The following DLGAP2 variants were observed in gnomAD, a reference collection of about 807,000 sequenced individuals.
The protein encoded by DLGAP2 is disks large-associated protein 2.
A neutral mutation model predicts 100.3 loss-of-function variants in DLGAP2; 26 were observed. The observed-to-expected ratio is 0.26, with a 90% CI of 0.19 to 0.36. The LOEUF (loss-of-function observed/expected upper bound fraction) is 0.36. Ranked by LOEUF, DLGAP2 falls within the 10% of genes least tolerant of loss-of-function variation. The pLI, the probability that DLGAP2 is intolerant of heterozygous loss-of-function variation, is 1.00. For missense variants in DLGAP2, 1,858 were observed against 1,453.2 expected, an observed-to-expected ratio of 1.28 and a Z score of -4.53; for synonymous variants, 886 against 630.1, an observed-to-expected ratio of 1.41 and a Z score of -6.08.
Position 1,006,296 on chromosome 8 carries a change from G to A in DLGAP2, c.73+98330G>A, listed in dbSNP as rs925170159. On this transcript the variant is annotated intron_variant, in intron 2 of 14. Transcript: ENST00000637795. ...ATTGTGCCTTTATCACATCGAGGACGCCATGTGTCTGAAGTCTCAGAATAC... is the reference window on the plus strand; with the variant it reads ...ATTGTGCCTTTATCACATCGAGGACACCATGTGTCTGAAGTCTCAGAATAC... Among the ~76,000 whole-genome samples the A allele has an allele frequency of 5.3e-5, 8 of 152,118 alleles. No individual in the cohort carries two copies. The East Asian group carries it at 5.8e-4, about 11-fold the overall frequency.
chr8:1,527,700 A>G (rs765086274), intron 4 of DLGAP2, among the ~76,000 whole-genome samples: 9 of 152,202 alleles, frequency 5.9e-5, no homozygotes, highest in Non-Finnish European at 8.8e-5. Flanking sequence ...GCCTGTGTCT[A>G]TGCAGCATGC....
chr8:1,184,059 G>T (rs530177137), intron 2 of DLGAP2, among the ~76,000 whole-genome samples: 1 of 152,318 alleles, frequency 6.6e-6, no homozygotes, highest in South Asian at 2.1e-4. Context: ...CAGCTGAAAG[G>T]CTTTGGGGAA....
In DLGAP2 at chr8:1,233,154, C is replaced by T. The variant is rs1798572546; in HGVS notation, c.74-25697C>T. On this transcript the variant is annotated intron_variant, in intron 2 of 14. Transcript: ENST00000637795. ...TGCTTTTAATGAGCAAATGACATTCCATTGTTTGGATATACCCCATTGTAT... is the reference window on the plus strand; with the variant it reads ...TGCTTTTAATGAGCAAATGACATTCTATTGTTTGGATATACCCCATTGTAT... Among the ~76,000 whole-genome samples the T allele has an allele frequency of 2.0e-5, 3 of 152,170 alleles. 1 individual carries two copies. In the South Asian group the frequency reaches 6.2e-4, roughly 32 times the overall value.
intron 3 of DLGAP2, among the ~76,000 whole-genome samples, chr8:1,428,920 G>C (rs1377403547): frequency 6.6e-6 from 1 of 152,122 alleles, no homozygotes; most frequent in Non-Finnish European, 1.5e-5. Flanking sequence ...GGCTATCTAG[G>C]GTGAGCCATC....
intron 3 of DLGAP2, among the ~76,000 whole-genome samples, chr8:1,414,661 G>A (rs541847143): frequency 1.9e-4 from 28 of 149,848 alleles, no homozygotes; most frequent in African/African-American, 6.5e-4. Context: ...ACGTCCAGGC[G>A]TCCTCTGCCC....
At chr8:900,983 A>G (rs1199684654) in intron 1 of DLGAP2, among the ~76,000 whole-genome samples, 4 of 152,202 alleles carry the variant, frequency 2.6e-5, no homozygotes, top group Non-Finnish European at 5.9e-5. Context: ...ACTATATTAC[A>G]TAGTTTTAAA....
chr8:1,571,684 A>G (rs1190278011), intron 6 of DLGAP2, among the ~76,000 whole-genome samples: 118 of 71,548 alleles, frequency 1.6e-3, no homozygotes, highest in South Asian at 2.3e-3. Flanking sequence ...CTGTGGGGGC[A>G]TCTTCTGGGA....
At chr8:852,163 T>C (rs535095053) in intron 1 of DLGAP2, among the ~76,000 whole-genome samples, 26 of 152,080 alleles carry the variant, frequency 1.7e-4, no homozygotes, top group African/African-American at 5.5e-4. Flanking sequence ...AAAAAAAACA[T>C]GTCAAAAACA....
intron 3 of DLGAP2, among the ~76,000 whole-genome samples, chr8:1,311,765 C>A (rs1800619708): frequency 6.6e-6 from 1 of 151,886 alleles, no homozygotes; most frequent in South Asian, 2.1e-4. Flanking sequence ...TGATAAAGGG[C>A]ATTTATGAAA....
rs377612137 is a variant in DLGAP2 at position 776,294 on chromosome 8, G to A, written c.18+38469G>A. 4.1e-3 allele frequency among the ~76,000 whole-genome samples: 619 copies of A among 150,586 alleles called. 1 individual carries two copies. Among genetic ancestry groups the A allele is most frequent in the Non-Finnish European group, 6.7e-3 (451 of 67,438 alleles). On this transcript the variant is annotated intron_variant, in intron 1 of 14. Coordinates refer to ENST00000637795, the MANE Select transcript of DLGAP2 (RefSeq NM_001346810.2). ...CTATCAATTTTGTTGATCCTTTCAA[G>A]AAACCAGCTCCTGGATTCATTAATT...
chr8:1,496,008 C>A (rs2063874487), intron 3 of DLGAP2, among the ~76,000 whole-genome samples: 1 of 152,138 alleles, frequency 6.6e-6, no homozygotes, highest in South Asian at 2.1e-4. Flanking sequence ...CGTGGGGCCC[C>A]CGGCACGGTT....
At chr8:1,194,326 G>C (rs1797704588) in intron 2 of DLGAP2, among the ~76,000 whole-genome samples, 1 of 152,114 alleles carries the variant, frequency 6.6e-6, no homozygotes, top group African/African-American at 2.4e-5. Context: ...GTCCCGGCTG[G>C]TGGAGGGAGC....
intron 2 of DLGAP2, among the ~76,000 whole-genome samples, chr8:1,247,429 T>G (rs62489181): frequency 2.5e-5 from 1 of 39,522 alleles, no homozygotes; most frequent in African/African-American, 1.1e-4. Context: ...TAATGGCCCA[T>G]GTTGGTGGCC....
chr8:1,635,547 T>C (rs1452850964), intron 8 of DLGAP2, among the ~76,000 whole-genome samples: 1 of 152,202 alleles, frequency 6.6e-6, no homozygotes, highest in Non-Finnish European at 1.5e-5. Flanking sequence ...TTTTGACAGA[T>C]TGATTTTCTT....
At chr8:1,000,849 A>G (rs1445296180) in intron 2 of DLGAP2, among the ~76,000 whole-genome samples, 2 of 151,870 alleles carry the variant, frequency 1.3e-5, no homozygotes, top group East Asian at 1.9e-4. Flanking sequence ...ATGTGTGTGG[A>G]CAGGTGTGGG....
intron 2 of DLGAP2, among the ~76,000 whole-genome samples, chr8:1,136,369 A>G (rs1357092593): frequency 6.6e-6 from 1 of 152,176 alleles, no homozygotes; most frequent in Non-Finnish European, 1.5e-5. Flanking sequence ...GCCTGTCCAC[A>G]GCAGATGCTC....
chr8:1,181,265 G>A (rs1797381199), intron 2 of DLGAP2, among the ~76,000 whole-genome samples: 1 of 151,878 alleles, frequency 6.6e-6, no homozygotes, highest in African/African-American at 2.4e-5. Context: ...AGTGTGGGTG[G>A]CACACATCGT....
At chr8:1,369,880 A>G (rs1005314303) in intron 3 of DLGAP2, 1 of 152,254 alleles carries the variant, frequency 6.6e-6, no homozygotes, top group African/African-American at 2.4e-5. Flanking sequence ...CCTGGCGGGA[A>G]GACGCCGTCC....
chr8:1,534,129 A>T (rs187066865), intron 4 of DLGAP2, among the ~76,000 whole-genome samples: 2 of 152,186 alleles, frequency 1.3e-5, no homozygotes, highest in Non-Finnish European at 2.9e-5. Context: ...ATCACCCAAA[A>T]CCGTATAAAA....
Sources: allele counts gnomAD v4.1 joint callset (sites outside exome capture counted in the v4.1 genomes callset), GRCh38; gene constraint gnomAD v4.1.1; transcripts MANE v1.5; gene names NCBI Gene and HGNC (gene_info 2026-07-23, HGNC 2026-07-21).